Variants in THRAP3 observed in about 807,000 individuals in gnomAD.
THRAP3 encodes thyroid hormone receptor associated protein 3, also known as thyroid hormone receptor-associated protein 3.
A neutral mutation model predicts 101.0 loss-of-function variants in THRAP3; 16 were observed. The observed-to-expected ratio is 0.16, with a 90% confidence interval of 0.11 to 0.24. The LOEUF (loss-of-function observed/expected upper bound fraction) is 0.24. THRAP3 is among the 10% of genes least tolerant of loss of function. The pLI is 1.00. For synonymous variants in THRAP3, 407 were observed against 422.6 expected (o/e 0.96, Z 0.45); for missense variants, 989 against 1,202.7 (o/e 0.82, Z 2.63).
chr1:36,245,037 TAA>T (rs1412909752), intron 1 of THRAP3, among the ~76,000 whole-genome samples: 2 of 151,542 alleles, frequency 1.3e-5, no homozygotes, highest in Non-Finnish European at 2.9e-5. Flanking sequence ...GGTTAACTAC[TAA>T]GTCTTCCTCC....
chr1:36,249,261 C>T (rs1055204198), intron 1 of THRAP3, among the ~76,000 whole-genome samples: 3 of 150,410 alleles, frequency 2.0e-5, no homozygotes, highest in Non-Finnish European at 3.0e-5. Context: ...GCGCAAGCTC[C>T]GCTCACTGCA....
chr1:36,235,559 A>AG (rs1645075262), intron 1 of THRAP3, among the ~76,000 whole-genome samples: 2 of 152,190 alleles, frequency 1.3e-5, no homozygotes, highest in African/African-American at 4.8e-5. Flanking sequence ...ATACAGATGA[A>AG]ATTGAGATAC....
chr1:36,257,202 CTT>C (rs976884687), intron 1 of THRAP3, among the ~76,000 whole-genome samples: 4 of 152,144 alleles, frequency 2.6e-5, no homozygotes, highest in African/African-American at 9.7e-5. Flanking sequence ...CCAGTATACT[CTT>C]TTTCTTCCGT....
chr1:36,271,918 T>TG (rs1302177124), intron 2 of THRAP3, among the ~76,000 whole-genome samples: 3 of 151,868 alleles, frequency 2.0e-5, no homozygotes, highest in African/African-American at 4.8e-5. Context: ...TTAATAGAGA[T>TG]GGGGTTTTCC....
chr1:36,217,553 C>A, the THRAP3 span, among the ~76,000 whole-genome samples: 2 of 151,452 alleles, frequency 1.3e-5, no homozygotes, highest in African/African-American at 2.4e-5. Context: ...TTATAAACTG[C>A]GAGTTTGTGG....
rs1557450724 is a variant in THRAP3, at chr1:36,289,516, C to A, written c.1497C>A (p.Ser499=). ...AGGAGGAGTCTTTCCCAGAGAGATC[C>A]AAAAAGGAAGATCGGGGCAAGAGAA... is the stretch of plus-strand genomic sequence containing the variant. ...ELEEESFPER[S]KKEDRGKRSE... Residue 499 remains serine, a synonymous_variant, in exon 5 of 12, where the codon TCC becomes TCA. Coordinates refer to ENST00000354618, the MANE Select transcript of THRAP3 (RefSeq NM_005119.4). 4 of 1,613,822 alleles carry A rather than the reference C, an allele frequency of 2.5e-6. No individual in the cohort carries two copies. The highest frequency in any genetic ancestry group is 1.1e-5 in the South Asian group (1 of 91,050).
chr1:36,294,170 A>G (rs1557455340), intron 8 of THRAP3: 1 of 1,258,290 alleles, frequency 7.9e-7, no homozygotes, highest in Non-Finnish European at 1.0e-6. Context: ...TGAGCTTGAG[A>G]AAAAAAAGAG....
At chr1:36,278,747 C>A (rs1156813803) in intron 2 of THRAP3, among the ~76,000 whole-genome samples, 3 of 151,942 alleles carry the variant, frequency 2.0e-5, no homozygotes, top group African/African-American at 7.3e-5. Context: ...CACAGTGAAA[C>A]CCCGTCTTTA....
intron 11 of THRAP3, among the ~76,000 whole-genome samples, chr1:36,302,759 A>G (rs1226463430): frequency 1.3e-5 from 2 of 152,122 alleles, no homozygotes; most frequent in Admixed American, 6.6e-5. Flanking sequence ...TTTCTCCTTC[A>G]TTGTTTGATT....
intron 1 of THRAP3, among the ~76,000 whole-genome samples, chr1:36,253,760 ATTTTTTTTTTTTTTT>A (rs58306701): frequency 1.0e-5 from 1 of 100,236 alleles, no homozygotes; most frequent in East Asian, 3.0e-4. Context: ...AGTCAGGCTA[ATTTTTTTTTTTTTTT>A]TTTTAGTTTT....
At position 36,269,223 on chromosome 1, in the gene THRAP3, A is replaced by G. The variant is rs144031707; in HGVS notation, c.-32+9739A>G. 3.9e-5 allele frequency among the ~76,000 whole-genome samples: 6 copies of G among 152,292 alleles called. No homozygotes were observed. The East Asian group carries it at 1.2e-3, about 29-fold the overall frequency. Reference sequence around the variant, plus strand: ...GTTGGTGGTGATGGTGAAATTTGCCAGGCTGGTTCCACTGGTTCTGCAGAT... The same window carrying G: ...GTTGGTGGTGATGGTGAAATTTGCCGGGCTGGTTCCACTGGTTCTGCAGAT... On this transcript the variant is annotated intron_variant, in intron 2 of 11. Transcript: ENST00000354618.
At chr1:36,274,072 T>C (rs1645623960) in intron 2 of THRAP3, among the ~76,000 whole-genome samples, 1 of 21,508 alleles carries the variant, frequency 4.6e-5, no homozygotes, top group Admixed American at 7.1e-4. Flanking sequence ...TGTGTGTGTG[T>C]GTGTCACACA....
At chr1:36,247,100 C>CGA (rs1201496353) in intron 1 of THRAP3, among the ~76,000 whole-genome samples, 2 of 151,844 alleles carry the variant, frequency 1.3e-5, no homozygotes, top group African/African-American at 4.8e-5. Flanking sequence ...GGGCGGATCA[C>CGA]GAGGTCAGGA....
chr1:36,298,368 A>G (rs1645980959), intron 9 of THRAP3, among the ~76,000 whole-genome samples: 1 of 152,174 alleles, frequency 6.6e-6, no homozygotes, highest in East Asian at 1.9e-4. Context: ...GAACCCCTCA[A>G]GCATTTCAGA....
rs761149489 is a variant in THRAP3 at position 36,286,107 on chromosome 1, G to A, written c.138-261G>A. 6.6e-5 allele frequency among the ~76,000 whole-genome samples: 10 copies of A among 152,206 alleles called. No homozygotes were observed. The highest frequency in any genetic ancestry group is 1.3e-4 in the Non-Finnish European group (9 of 68,038). ...AAATGTTGATAGTTTTTCAGTCACT[G>A]TAGAAGTACACCTCCATTTTAAATG... On this transcript the variant is annotated intron_variant, in intron 3 of 11. Coordinates refer to ENST00000354618, the MANE Select transcript of THRAP3 (RefSeq NM_005119.4). The surrounding 1 kb of genome is among the most constrained non-coding windows in gnomAD (Gnocchi z 5.5).
chr1:36,295,726 C>T (rs1570346567), intron 8 of THRAP3, among the ~76,000 whole-genome samples: 1 of 152,002 alleles, frequency 6.6e-6, no homozygotes, highest in East Asian at 1.9e-4. Context: ...TTTTGATATT[C>T]CCTTTCTAGA....
At chr1:36,298,433 CTGACTTGCGATG>C (rs1410637259) in intron 9 of THRAP3, among the ~76,000 whole-genome samples, 1 of 152,226 alleles carries the variant, frequency 6.6e-6, no homozygotes, top group African/African-American at 2.4e-5. Context: ...ATGCCTACCT[CTGACTTGCGATG>C]TGACTTTGAA....
At chr1:36,279,941 T>C (rs1409792179) in intron 2 of THRAP3, among the ~76,000 whole-genome samples, 1 of 152,232 alleles carries the variant, frequency 6.6e-6, no homozygotes, top group Non-Finnish European at 1.5e-5. Flanking sequence ...TAGTACCCCT[T>C]GTATGCCAGA....
chr1:36,257,876 T>C (rs1645395436), intron 1 of THRAP3, among the ~76,000 whole-genome samples: 1 of 152,232 alleles, frequency 6.6e-6, no homozygotes, highest in African/African-American at 2.4e-5. Flanking sequence ...AGTCTCGCTC[T>C]GTCACCCACG....
Sources: gnomAD v4.1 joint callset for allele counts (sites outside exome capture counted in the v4.1 genomes callset) on GRCh38, gnomAD v4.1.1 for gene constraint, Gnocchi (gnomAD v3.1) non-coding constraint, MANE v1.5 for transcripts, NCBI Gene and HGNC (gene_info 2026-07-23, HGNC 2026-07-21) for gene names.